Variants in LMOD1 observed in about 807,000 individuals in gnomAD.
LMOD1 encodes leiomodin 1.
In LMOD1, 8 loss-of-function variants were observed where a neutral mutation model predicts 36.5. That is an observed-to-expected ratio of 0.22 (90% CI 0.13 to 0.40). The LOEUF (loss-of-function observed/expected upper bound fraction) is 0.40. LMOD1 is among the 10% of genes least tolerant of loss of function. The pLI is 1.00. For missense variants in LMOD1, 630 were observed against 751.1 expected, an observed-to-expected ratio of 0.84 and a Z score of 1.88; for synonymous variants, 284 against 288.7, an observed-to-expected ratio of 0.98 and a Z score of 0.17.
intron 1 of LMOD1, among the ~76,000 whole-genome samples, chr1:201,945,545 C>T (rs7543415): frequency 0.039 from 5,989 of 152,284 alleles, 408 homozygotes; most frequent in African/African-American, 0.14. Context: ...TGGTCCCTGT[C>T]TCCCTTTGCT....
intron 1 of LMOD1, among the ~76,000 whole-genome samples, chr1:201,903,094 C>G (rs1362345288): frequency 6.6e-6 from 1 of 152,190 alleles, no homozygotes; most frequent in Non-Finnish European, 1.5e-5. Context: ...GAAAGCAGCT[C>G]TCTGTCGCAC....
In LMOD1 at chr1:201,899,135, GC is replaced by G. The variant is rs35811000; in HGVS notation, c.1776+101del. The G allele has an allele frequency of 5.5e-6, 6 of 1,094,016 alleles. 1 individual carries two copies. In the South Asian group the frequency reaches 8.6e-5, roughly 16 times the overall value. 67.8% of individuals were successfully genotyped at this position (1,094,016 alleles called of 1,614,324 possible). Reference sequence around the variant, plus strand: ...GCCCTGGGAGTCTATATCATCTGCAGCCGACATAAGCTCCTCTGCATGCCTT... The same window carrying G: ...GCCCTGGGAGTCTATATCATCTGCAGCGACATAAGCTCCTCTGCATGCCTT... On this transcript the variant is annotated intron_variant, in intron 2 of 2. Coordinates refer to ENST00000367288, the MANE Select transcript of LMOD1 (RefSeq NM_012134.3). The surrounding 1 kb of genome is among the most constrained non-coding windows in gnomAD (Gnocchi z 6.3).
At chr1:201,900,828 G>A (rs1030751080) in intron 1 of LMOD1, 77 bp from the exon 2 acceptor site, 10 of 1,323,754 alleles carry the variant, frequency 7.6e-6, no homozygotes, top group Non-Finnish European at 8.2e-6. Flanking sequence ...GATGTGTGGG[G>A]GAGCGCTTAC....
chr1:201,914,376 A>G (rs139947195), intron 1 of LMOD1, among the ~76,000 whole-genome samples: 2 of 152,250 alleles, frequency 1.3e-5, no homozygotes, highest in African/African-American at 4.8e-5. Context: ...GTCAACATGG[A>G]CAGGTTAATT....
intron 1 of LMOD1, among the ~76,000 whole-genome samples, chr1:201,941,980 A>G (rs1378914312): frequency 6.6e-6 from 1 of 152,136 alleles, no homozygotes; most frequent in African/African-American, 2.4e-5. Context: ...GGTTCCTGAA[A>G]CCTGAGACAA....
At chr1:201,902,787 C>T (rs1681353642) in intron 1 of LMOD1, among the ~76,000 whole-genome samples, 1 of 152,168 alleles carries the variant, frequency 6.6e-6, no homozygotes, top group Admixed American at 6.5e-5. Context: ...CCCACACCTC[C>T]ATGGATCCCT....
chr1:201,917,697 T>A (rs549480906), intron 1 of LMOD1, among the ~76,000 whole-genome samples: 83 of 152,336 alleles, frequency 5.4e-4, no homozygotes, highest in South Asian at 1.4e-3. Context: ...ACTTTCTGCT[T>A]CTTCATTTTA....
chr1:201,918,614 G>A (rs1247658098), intron 1 of LMOD1, among the ~76,000 whole-genome samples: 2 of 152,128 alleles, frequency 1.3e-5, no homozygotes, highest in African/African-American at 2.4e-5. Context: ...TGCTGCTCCT[G>A]CCACACAGGA....
chr1:201,926,898 A>G (rs764552196), intron 1 of LMOD1, among the ~76,000 whole-genome samples: 4 of 152,218 alleles, frequency 2.6e-5, no homozygotes, highest in African/African-American at 7.2e-5. Context: ...ACGTGGGAGC[A>G]GTAAGCTGAG....
intron 1 of LMOD1, among the ~76,000 whole-genome samples, chr1:201,933,872 AGTGAAGCTTAG>A (rs906136608): frequency 6.6e-6 from 1 of 152,144 alleles, no homozygotes; most frequent in Non-Finnish European, 1.5e-5. Flanking sequence ...AATAAAATAG[AGTGAAGCTTAG>A]AAATATTAAA....
chr1:201,905,350 C>T (rs777489756), intron 1 of LMOD1, among the ~76,000 whole-genome samples: 2 of 152,192 alleles, frequency 1.3e-5, no homozygotes, highest in Non-Finnish European at 2.9e-5. Context: ...GTGTCTGCCA[C>T]GTGCGTTAGG....
chr1:201,926,462 G>A (rs1558240991), intron 1 of LMOD1, among the ~76,000 whole-genome samples: 1 of 152,250 alleles, frequency 6.6e-6, no homozygotes, highest in East Asian at 1.9e-4. Flanking sequence ...TCTGTTTAGG[G>A]CCTTGGAAAG....
At chr1:201,903,098 G>A (rs1681357896) in intron 1 of LMOD1, among the ~76,000 whole-genome samples, 1 of 152,212 alleles carries the variant, frequency 6.6e-6, no homozygotes, top group African/African-American at 2.4e-5. Context: ...GCAGCTCTCT[G>A]TCGCACTCTC....
chr1:201,945,574 C>G (rs1459513650), intron 1 of LMOD1, among the ~76,000 whole-genome samples: 6 of 152,296 alleles, frequency 3.9e-5, no homozygotes, highest in African/African-American at 1.4e-4. Flanking sequence ...CTCATTTACC[C>G]CCAAGCCTCC....
intron 1 of LMOD1, among the ~76,000 whole-genome samples, chr1:201,916,576 C>A (rs76510531): frequency 6.6e-6 from 1 of 151,762 alleles, no homozygotes; most frequent in Non-Finnish European, 1.5e-5. Context: ...GAAAAAGAAA[C>A]AAAATTGTCT....
At position 201,897,679 on chromosome 1, in the gene LMOD1, AACAGAT is replaced by A. The variant is rs1270526820; in HGVS notation, c.*687_*692del. 6.5e-6 allele frequency: 1 copy of A among 152,704 alleles called. No homozygotes were observed. Among genetic ancestry groups the A allele is most frequent in the Non-Finnish European group, 1.5e-5 (1 of 68,078 alleles). 9.5% of individuals were successfully genotyped at this position (152,704 alleles called of 1,614,324 possible). ...ATATATTATCAAAATCTTATGGAAA[AACAGAT>A]ACACAGCTATTCATACAGCAGCAGG... On this transcript the variant is annotated 3_prime_UTR_variant, in exon 3 of 3. Transcript: ENST00000367288.
intron 1 of LMOD1, among the ~76,000 whole-genome samples, chr1:201,929,783 A>G (rs1003227911): frequency 6.6e-5 from 10 of 152,218 alleles, no homozygotes; most frequent in Admixed American, 5.9e-4. Flanking sequence ...ATGAAGATGA[A>G]TAAGAGTCAG....
At chr1:201,938,447 G>C (rs1682056594) in intron 1 of LMOD1, among the ~76,000 whole-genome samples, 2 of 152,146 alleles carry the variant, frequency 1.3e-5, no homozygotes, top group African/African-American at 4.8e-5. Context: ...CATTTTATAG[G>C]TGAGGAAACT....
At chr1:201,931,545 A>AG (rs1681922681) in intron 1 of LMOD1, among the ~76,000 whole-genome samples, 1 of 151,790 alleles carries the variant, frequency 6.6e-6, no homozygotes, top group Admixed American at 6.6e-5. Flanking sequence ...CAAAAAAAAA[A>AG]AAAAAAAAAG....
Sources: allele counts gnomAD v4.1 joint callset (sites outside exome capture counted in the v4.1 genomes callset), GRCh38; gene constraint gnomAD v4.1.1; non-coding constraint Gnocchi (gnomAD v3.1); transcripts MANE v1.5; gene names NCBI Gene and HGNC (gene_info 2026-07-23, HGNC 2026-07-21).